The following ST8SIA2 variants were observed in gnomAD, a reference collection of about 807,000 sequenced individuals.
The protein encoded by ST8SIA2 is ST8 alpha-N-acetyl-neuraminide alpha-2,8-sialyltransferase 2.
ST8SIA2 carries 22 observed loss-of-function variants against 37.6 expected under a neutral mutation model. That is an observed-to-expected ratio of 0.58 (90% CI 0.42 to 0.83). The LOEUF (loss-of-function observed/expected upper bound fraction) is 0.83. Ranked by LOEUF, ST8SIA2 falls within the 40% of genes least tolerant of loss-of-function variation. The pLI, the probability that ST8SIA2 is intolerant of heterozygous loss-of-function variation, is 0.00. For missense variants in ST8SIA2, 382 were observed against 484.7 expected (o/e 0.79, Z 1.99); for synonymous variants, 205 against 201.2 (o/e 1.02, Z -0.16).
chr15:92,410,280 GGT>G (rs1221509697), intron 1 of ST8SIA2, among the ~76,000 whole-genome samples: 1 of 152,200 alleles, frequency 6.6e-6, no homozygotes, highest in Non-Finnish European at 1.5e-5. Flanking sequence ...GCAATAAATA[GGT>G]GTTGGTCTAT....
chr15:92,434,320 A>C lies in ST8SIA2; in HGVS notation c.235A>C (p.Ile79Leu), dbSNP rs368388455. 7 of 1,614,056 alleles carry C rather than the reference A, an allele frequency of 4.3e-6. No homozygotes were observed. Among genetic ancestry groups the C allele is most frequent in the Admixed American group, 1.7e-5 (1 of 60,000 alleles). The change falls in exon 3 of 6, where the codon ATC (isoleucine) becomes CTC (leucine). Residue 79 changes from isoleucine to leucine, a missense_variant. Physicochemically the swap from Ile to Leu is conservative, Grantham distance 5. Coordinates refer to ENST00000268164, the MANE Select transcript of ST8SIA2 (RefSeq NM_006011.4). ...AAGTAATGAAAGCATCAAGCACAAC[A>C]TCCAGCCAGCCTCGTCCAAATGGAG... ...DRSNESIKHN[I>L]QPASSKWRHN...
intron 5 of ST8SIA2, among the ~76,000 whole-genome samples, chr15:92,453,379 G>A (rs1412646965): frequency 6.6e-6 from 1 of 152,152 alleles, no homozygotes; most frequent in Non-Finnish European, 1.5e-5. Flanking sequence ...TGTGACTTTT[G>A]GGGGATTCTC....
chr15:92,406,618 A>C (rs1275740795), intron 1 of ST8SIA2, among the ~76,000 whole-genome samples: 3 of 152,172 alleles, frequency 2.0e-5, no homozygotes, highest in Non-Finnish European at 4.4e-5. Flanking sequence ...GGCCCATCAC[A>C]CCAGGGGTAG....
At chr15:92,434,453 T>G in intron 3 of ST8SIA2, 78 bp downstream of exon 3, 1 of 1,595,872 alleles carries the variant, frequency 6.3e-7, no homozygotes, top group Non-Finnish European at 8.6e-7. Context: ...CTTCGTCATC[T>G]AAAGAAGTCA....
intron 5 of ST8SIA2, among the ~76,000 whole-genome samples, chr15:92,458,338 G>A (rs2049933758): frequency 6.6e-6 from 1 of 152,200 alleles, no homozygotes; most frequent in Admixed American, 6.5e-5. Flanking sequence ...AGTACACATT[G>A]TCTTTGTCGC....
At position 92,395,703 on chromosome 15, in the gene ST8SIA2, G is replaced by A. The variant is rs148484029; in HGVS notation, c.98+1541G>A. On this transcript the variant is annotated intron_variant, in intron 1 of 5. Coordinates refer to ENST00000268164, the MANE Select transcript of ST8SIA2 (RefSeq NM_006011.4). ...GGAAATCGGGCAAGTCACGTCTTGG[G>A]GTAATGGAAGATGCGGTGAGGAGGG... Among the ~76,000 whole-genome samples, 28 of 152,298 alleles carry A rather than the reference G, an allele frequency of 1.8e-4. No homozygotes were observed. The East Asian group carries it at 2.1e-3, about 12-fold the overall frequency.
chr15:92,396,890 G>C (rs2049435895), intron 1 of ST8SIA2, among the ~76,000 whole-genome samples: 1 of 152,210 alleles, frequency 6.6e-6, no homozygotes. Flanking sequence ...CCAGTGAGGG[G>C]CGTCAAGAGG....
chr15:92,439,305 G>T (rs570241382), intron 4 of ST8SIA2, among the ~76,000 whole-genome samples: 10 of 152,242 alleles, frequency 6.6e-5, no homozygotes, highest in Non-Finnish European at 8.8e-5. Context: ...AGAGAAACTT[G>T]AATTTTGTAC....
chr15:92,463,532 T>C (rs1300035738), intron 5 of ST8SIA2, among the ~76,000 whole-genome samples: 3 of 151,982 alleles, frequency 2.0e-5, no homozygotes, highest in Non-Finnish European at 4.4e-5. Context: ...TGTGGGACTC[T>C]TGGAAAGGCA....
At chr15:92,445,629 G>C (rs2049836981) in intron 5 of ST8SIA2, among the ~76,000 whole-genome samples, 1 of 152,148 alleles carries the variant, frequency 6.6e-6, no homozygotes, top group African/African-American at 2.4e-5. Flanking sequence ...CAATATGAAA[G>C]AGATAGGGAG....
At chr15:92,424,444 G>A (rs1479092663) in intron 1 of ST8SIA2, among the ~76,000 whole-genome samples, 1 of 152,164 alleles carries the variant, frequency 6.6e-6, no homozygotes, top group African/African-American at 2.4e-5. Context: ...AAGCAAAAAT[G>A]CAGTTTTCAG....
chr15:92,402,382 A>G (rs1383391050), intron 1 of ST8SIA2, among the ~76,000 whole-genome samples: 1 of 152,176 alleles, frequency 6.6e-6, no homozygotes, highest in Non-Finnish European at 1.5e-5. Flanking sequence ...TGTTATTATT[A>G]TCTCCCTTTT....
chr15:92,448,209 T>C (rs1229380059), intron 5 of ST8SIA2, among the ~76,000 whole-genome samples: 1 of 152,220 alleles, frequency 6.6e-6, no homozygotes, highest in Non-Finnish European at 1.5e-5. Context: ...CTGCAGGAGA[T>C]TAGCCTCTTC....
At chr15:92,402,007 A>T (rs1015901637) in intron 1 of ST8SIA2, among the ~76,000 whole-genome samples, 1 of 152,098 alleles carries the variant, frequency 6.6e-6, no homozygotes, top group Non-Finnish European at 1.5e-5. Flanking sequence ...TTCTGAGATA[A>T]TGTTCCTTTT....
chr15:92,398,545 T>G (rs1457233155), intron 1 of ST8SIA2, among the ~76,000 whole-genome samples: 1 of 152,254 alleles, frequency 6.6e-6, no homozygotes, highest in Non-Finnish European at 1.5e-5. Flanking sequence ...TCCAGCCTCA[T>G]GGCAATCCAG....
intron 5 of ST8SIA2, among the ~76,000 whole-genome samples, chr15:92,461,397 A>G (rs1302009517): frequency 1.3e-5 from 2 of 152,130 alleles, no homozygotes; most frequent in Non-Finnish European, 2.9e-5. Flanking sequence ...TTCTGAAATA[A>G]CCATCCACTT....
chr15:92,396,474 T>C (rs1805851896), intron 1 of ST8SIA2, among the ~76,000 whole-genome samples: 1 of 151,918 alleles, frequency 6.6e-6, no homozygotes, highest in Non-Finnish European at 1.5e-5. Flanking sequence ...GTTTTTGTTT[T>C]TTTTTTTGTC....
intron 4 of ST8SIA2, among the ~76,000 whole-genome samples, chr15:92,439,612 C>A (rs556070703): frequency 1.3e-5 from 2 of 152,288 alleles, no homozygotes; most frequent in South Asian, 4.1e-4. Flanking sequence ...GTTCCCTAAA[C>A]CTTGGGACAT....
intron 2 of ST8SIA2, among the ~76,000 whole-genome samples, chr15:92,430,543 A>G (rs2049707971): frequency 6.6e-6 from 1 of 152,258 alleles, no homozygotes. Flanking sequence ...TAAAATATTT[A>G]GGGAGTCAAC....
Sources: gnomAD v4.1 joint callset for allele counts (sites outside exome capture counted in the v4.1 genomes callset) on GRCh38, gnomAD v4.1.1 for gene constraint, MANE v1.5 for transcripts, NCBI Gene and HGNC (gene_info 2026-07-23, HGNC 2026-07-21) for gene names.